The following LCLAT1 variants were observed in gnomAD, a reference collection of about 807,000 sequenced individuals.
LCLAT1 encodes the protein lysocardiolipin acyltransferase 1, also known as 1-AGP acyltransferase 8.
A neutral mutation model predicts 30.7 loss-of-function variants in LCLAT1; 11 were observed. The ratio of observed to expected loss-of-function variants is 0.36; its 90% CI spans 0.23 to 0.59. LCLAT1 has a LOEUF of 0.59. Ranked by LOEUF, LCLAT1 falls within the 20% of genes least tolerant of loss-of-function variation. The pLI is 0.77. For missense variants in LCLAT1, 402 were observed against 458.6 expected (o/e 0.88, Z 1.13); for synonymous variants, 155 against 151.3 (o/e 1.02, Z -0.18).
At chr2:30,569,996 A>G (rs145870533) in intron 5 of LCLAT1, among the ~76,000 whole-genome samples, 170 of 152,102 alleles carry the variant, frequency 1.1e-3, no homozygotes, top group African/African-American at 3.8e-3. Context: ...ACCATTTACT[A>G]TGGCATGTAA....
intron 3 of LCLAT1, among the ~76,000 whole-genome samples, chr2:30,534,330 G>C (rs893714793): frequency 1.3e-5 from 2 of 151,020 alleles, no homozygotes; most frequent in Non-Finnish European, 2.9e-5. Context: ...GTGCAATCTG[G>C]GCTCACTGCA....
At chr2:30,607,517 G>T (rs1037521503) in intron 5 of LCLAT1, 1 of 152,058 alleles carries the variant, frequency 6.6e-6, no homozygotes, top group African/African-American at 2.4e-5. Flanking sequence ...ACATGTTTGT[G>T]ATGATGCTGA....
intron 1 of LCLAT1, among the ~76,000 whole-genome samples, chr2:30,471,802 A>G (rs986865090): frequency 2.0e-5 from 3 of 152,128 alleles, no homozygotes; most frequent in African/African-American, 7.2e-5. Flanking sequence ...TTTTCTATAC[A>G]TAGGATCATG....
At chr2:30,624,059 A>G (rs1668393631) in intron 5 of LCLAT1, among the ~76,000 whole-genome samples, 1 of 152,174 alleles carries the variant, frequency 6.6e-6, no homozygotes, top group South Asian at 2.1e-4. Context: ...CAGACAAACA[A>G]ATGCTGAGAG....
At chr2:30,632,027 TG>T (rs1668791706) in intron 5 of LCLAT1, among the ~76,000 whole-genome samples, 1 of 152,200 alleles carries the variant, frequency 6.6e-6, no homozygotes, top group African/African-American at 2.4e-5. Context: ...CAGTATTCAT[TG>T]GGAGAGATAA....
intron 1 of LCLAT1, among the ~76,000 whole-genome samples, chr2:30,505,247 A>T (rs1572539866): frequency 6.6e-6 from 1 of 152,238 alleles, no homozygotes; most frequent in East Asian, 1.9e-4. Flanking sequence ...TTGCCCTCTA[A>T]ACTGGGTATA....
At chr2:30,486,858 A>G (rs1004782679) in intron 1 of LCLAT1, among the ~76,000 whole-genome samples, 1 of 152,176 alleles carries the variant, frequency 6.6e-6, no homozygotes, top group Non-Finnish European at 1.5e-5. Context: ...CACCAATGTG[A>G]GCCTTCCTCC....
intron 1 of LCLAT1, among the ~76,000 whole-genome samples, chr2:30,460,544 G>C (rs544822556): frequency 1.4e-4 from 21 of 152,290 alleles, no homozygotes; most frequent in Admixed American, 1.4e-3. Flanking sequence ...TCTTGTGTAT[G>C]TGATATGATG....
chr2:30,499,363 G>T (rs1684256923), intron 1 of LCLAT1, among the ~76,000 whole-genome samples: 1 of 152,104 alleles, frequency 6.6e-6, no homozygotes, highest in Non-Finnish European at 1.5e-5. Flanking sequence ...TGTATTTTTA[G>T]TAGAGACAGG....
intron 3 of LCLAT1, among the ~76,000 whole-genome samples, chr2:30,542,218 A>G (rs1325495213): frequency 6.6e-6 from 1 of 152,054 alleles, no homozygotes; most frequent in African/African-American, 2.4e-5. Flanking sequence ...CTTTATCTTC[A>G]TGAGGTCTTT....
chr2:30,580,942 T>C (rs1666190239), intron 5 of LCLAT1, among the ~76,000 whole-genome samples: 1 of 152,078 alleles, frequency 6.6e-6, no homozygotes, highest in Non-Finnish European at 1.5e-5. Context: ...TACCCCAAAA[T>C]AGTATCTTAT....
intron 1 of LCLAT1, among the ~76,000 whole-genome samples, chr2:30,523,605 T>G (rs1447880360): frequency 6.6e-6 from 1 of 152,208 alleles, no homozygotes; most frequent in Non-Finnish European, 1.5e-5. Flanking sequence ...CACAGTGGCT[T>G]ACGCCTGTAA....
At chr2:30,521,309 C>G (rs772494044) in intron 1 of LCLAT1, among the ~76,000 whole-genome samples, 1 of 151,942 alleles carries the variant, frequency 6.6e-6, no homozygotes, top group South Asian at 2.1e-4. Context: ...GTGGAGTAGC[C>G]ATTCTTTTAT....
chr2:30,471,230 GAT>G (rs1682768956), intron 1 of LCLAT1, among the ~76,000 whole-genome samples: 1 of 150,086 alleles, frequency 6.7e-6, no homozygotes, highest in Non-Finnish European at 1.5e-5. Context: ...TATTTTCTAA[GAT>G]AGAGTCTCAC....
intron 5 of LCLAT1, among the ~76,000 whole-genome samples, chr2:30,595,314 T>G (rs1666881678): frequency 6.6e-6 from 1 of 152,184 alleles, no homozygotes; most frequent in Non-Finnish European, 1.5e-5. Flanking sequence ...TCTTTTTGAT[T>G]TTTATAGTGG....
chr2:30,549,896 GTTACAC>G (rs2148421854), intron 3 of LCLAT1, among the ~76,000 whole-genome samples: 1 of 152,276 alleles, frequency 6.6e-6, no homozygotes, highest in East Asian at 1.9e-4. Flanking sequence ...GTTTCTGAGT[GTTACAC>G]TGTTGTGTAA....
intron 1 of LCLAT1, among the ~76,000 whole-genome samples, chr2:30,452,557 A>G (rs542272213): frequency 1.1e-4 from 16 of 152,334 alleles, no homozygotes; most frequent in Middle Eastern, 3.4e-3. Context: ...GCAAAGTGTA[A>G]TCTAAGTTTT....
At chr2:30,598,753 A>G (rs10167460) in intron 5 of LCLAT1, among the ~76,000 whole-genome samples, 19,314 of 151,922 alleles carry the variant, frequency 0.13, 1,354 homozygotes, top group South Asian at 0.23. Context: ...TTAGGATGTC[A>G]ATTTGAGATC....
intron 5 of LCLAT1, among the ~76,000 whole-genome samples, chr2:30,615,502 A>G (rs1193491264): frequency 2.0e-5 from 3 of 152,144 alleles, no homozygotes; most frequent in African/African-American, 7.2e-5. Context: ...GGACTAAGGA[A>G]ATATGTATGT....
Sources: gnomAD v4.1 joint callset for allele counts (sites outside exome capture counted in the v4.1 genomes callset) on GRCh38, gnomAD v4.1.1 for gene constraint, MANE v1.5 for transcripts, NCBI Gene and HGNC (gene_info 2026-07-23, HGNC 2026-07-21) for gene names.